KAZN: variants seen among roughly 807,000 people sequenced by gnomAD.
KAZN encodes kazrin.
In KAZN, 40 loss-of-function variants were observed where a neutral mutation model predicts 87.4. The observed-to-expected ratio is 0.46, with a 90% CI of 0.36 to 0.60. The LOEUF is 0.60. Among genes scored for constraint, KAZN ranks in the 20% least tolerant of loss-of-function variants. The probability of loss-of-function intolerance (pLI) is 0.00; values close to 1 mark genes in which losing one functional copy is unlikely to be tolerated. For synonymous variants in KAZN, 466 were observed against 458.3 expected (o/e 1.02, Z -0.22); for missense variants, 898 against 1,073.9 (o/e 0.84, Z 2.29).
chr1:14,084,591 G>T (rs1380859766), intron 1 of KAZN, among the ~76,000 whole-genome samples: 1 of 152,040 alleles, frequency 6.6e-6, no homozygotes, highest in Non-Finnish European at 1.5e-5. Context: ...TCAAGGTGAT[G>T]CAGTTTGCTC....
chr1:14,212,649 A>T lies in KAZN; in HGVS notation c.249+32057A>T, dbSNP rs141289216. On this transcript the variant is annotated intron_variant, in intron 2 of 16. Coordinates refer to the KAZN transcript ENST00000636203. ...AGCAGGGAAATGAGAGGAGGTAGGTATATCCAGAAGAATTCCTTTATATCC... is the reference window on the plus strand; with the variant it reads ...AGCAGGGAAATGAGAGGAGGTAGGTTTATCCAGAAGAATTCCTTTATATCC... 9.0e-3 allele frequency among the ~76,000 whole-genome samples: 1,366 copies of T among 152,282 alleles called. 7 individuals are homozygous for T. Among genetic ancestry groups the T allele is most frequent in the Non-Finnish European group, 0.013 (904 of 68,014 alleles).
chr1:14,779,477 C>T (rs1274481252), intron 1 of KAZN, among the ~76,000 whole-genome samples: 1 of 152,210 alleles, frequency 6.6e-6, no homozygotes, highest in Non-Finnish European at 1.5e-5. Context: ...TGACAAACAG[C>T]TTGCCCCTTG....
chr1:14,552,887 G>T (rs1196131061), intron 2 of KAZN, among the ~76,000 whole-genome samples: 3 of 152,182 alleles, frequency 2.0e-5, no homozygotes, highest in African/African-American at 7.2e-5. Context: ...AGTGACTCCA[G>T]CTTGTGTGAG....
chr1:14,745,602 C>T (rs935552784), intron 1 of KAZN, among the ~76,000 whole-genome samples: 2 of 152,060 alleles, frequency 1.3e-5, no homozygotes, highest in Admixed American at 6.6e-5. Flanking sequence ...CACTGCTTCT[C>T]GGGGCTATAC....
At chr1:14,148,705 T>C (rs188156003) in intron 1 of KAZN, among the ~76,000 whole-genome samples, 1 of 152,336 alleles carries the variant, frequency 6.6e-6, no homozygotes, top group East Asian at 1.9e-4. Context: ...AATGAGTTGA[T>C]GCGAAAGCAG....
In KAZN at chr1:15,060,157, G is replaced by T; in HGVS notation, c.917-15G>T. On this transcript the variant is annotated splice_polypyrimidine_tract_variant and intron_variant, in intron 5 of 14. Transcript: ENST00000376030. The stretch of plus-strand genomic sequence containing the variant: ...TCTCTCCATCCCTCACTCACCAGCT[G>T]TCCCTGCTTTCCAGCGGTCAGGGTG... 2 of 1,614,048 alleles carry T rather than the reference G, an allele frequency of 1.2e-6. No homozygotes were observed. Among genetic ancestry groups the T allele is most frequent in the Non-Finnish European group, 1.7e-6 (2 of 1,179,950 alleles).
chr1:15,090,773 A>G (rs568670178), intron 8 of KAZN, among the ~76,000 whole-genome samples: 107 of 151,948 alleles, frequency 7.0e-4, no homozygotes, highest in African/African-American at 2.5e-3. Context: ...CGTCACACTC[A>G]CCCCCGCTGA....
At chr1:14,651,828 T>C (rs915654718) in intron 1 of KAZN, among the ~76,000 whole-genome samples, 1 of 152,240 alleles carries the variant, frequency 6.6e-6, no homozygotes, top group African/African-American at 2.4e-5. Flanking sequence ...TGTGATTAAA[T>C]GGCCAATGTG....
chr1:14,310,574 G>C (rs1350220699), intron 2 of KAZN, among the ~76,000 whole-genome samples: 1 of 152,172 alleles, frequency 6.6e-6, no homozygotes, highest in Non-Finnish European at 1.5e-5. Flanking sequence ...CTGGTGGGCC[G>C]ACGTATGTAC....
intron 1 of KAZN, among the ~76,000 whole-genome samples, chr1:14,087,345 T>A (rs987525965): frequency 1.3e-5 from 2 of 152,200 alleles, no homozygotes; most frequent in Non-Finnish European, 2.9e-5. Flanking sequence ...ACTTATTAGT[T>A]ATAACTGTTT....
rs149270077 is a variant in KAZN, at chr1:14,261,161, G to A, written c.249+80569G>A. Among the ~76,000 whole-genome samples, 1,038 of 152,304 alleles carry A rather than the reference G, an allele frequency of 6.8e-3. 5 individuals are homozygous for A. Among genetic ancestry groups the A allele is most frequent in the Middle Eastern group, 0.014 (4 of 294 alleles). On this transcript the variant is annotated intron_variant, in intron 2 of 16. Coordinates refer to the KAZN transcript ENST00000636203. ...AGTAGGGTGGGGAATTGGACTTCTT[G>A]GGTTCAAATCCTGGCTCAGCCCCTT... is the stretch of plus-strand genomic sequence containing the variant.
chr1:14,923,426 G>A lies in KAZN; in HGVS notation c.227-37258G>A, dbSNP rs1658777431. Among the ~76,000 whole-genome samples the A allele has an allele frequency of 6.6e-6, 1 of 152,176 alleles. No individual in the cohort carries two copies. The highest frequency in any genetic ancestry group is 1.5e-5 in the Non-Finnish European group (1 of 68,038). ...CCTCCAAGGTGCCACTTCCTACAGG[G>A]TTTGCCTGGCCTTGTCACTGTTCCC... On this transcript the variant is annotated intron_variant, in intron 1 of 14. Transcript: ENST00000376030. The surrounding 1 kb of genome is among the most constrained non-coding windows in gnomAD (Gnocchi z 4.2).
At chr1:14,365,648 G>A (rs576920710) in intron 2 of KAZN, among the ~76,000 whole-genome samples, 19 of 152,108 alleles carry the variant, frequency 1.2e-4, no homozygotes, top group Admixed American at 3.9e-4. Context: ...GTTTAGCAGC[G>A]TCCCCAGCCT....
chr1:14,321,037 A>G (rs1300211217), intron 2 of KAZN, among the ~76,000 whole-genome samples: 1 of 152,196 alleles, frequency 6.6e-6, no homozygotes, highest in East Asian at 1.9e-4. Context: ...TAAAAATCAT[A>G]TTCTCTGGAA....
At chr1:14,372,143 A>G (rs1660540326) in intron 2 of KAZN, among the ~76,000 whole-genome samples, 1 of 152,246 alleles carries the variant, frequency 6.6e-6, no homozygotes, top group Admixed American at 6.5e-5. Context: ...GGAAAAGCAA[A>G]TGACGAGTTT....
chr1:13,974,886 C>G (rs969520425), intron 1 of KAZN, among the ~76,000 whole-genome samples: 1 of 152,110 alleles, frequency 6.6e-6, no homozygotes, highest in Non-Finnish European at 1.5e-5. Flanking sequence ...AGGTCTCACA[C>G]AGACCTTCAA....
At chr1:15,028,171 G>A (rs1671356273) in intron 2 of KAZN, among the ~76,000 whole-genome samples, 1 of 152,168 alleles carries the variant, frequency 6.6e-6, no homozygotes, top group South Asian at 2.1e-4. Context: ...CCTCTGAGTT[G>A]GAAAAATAAG....
At chr1:15,068,229 C>A in intron 8 of KAZN, 2 of 299,432 alleles carry the variant, frequency 6.7e-6, no homozygotes, top group Non-Finnish European at 9.8e-6. Flanking sequence ...CACAGGCTGG[C>A]ATGACCTGCT....
chr1:15,088,691 A>G (rs1640384398), intron 8 of KAZN, among the ~76,000 whole-genome samples: 1 of 151,700 alleles, frequency 6.6e-6, no homozygotes, highest in Admixed American at 6.6e-5. Context: ...CCTTTAATTA[A>G]TGGTTTATGA....
Sources: allele counts gnomAD v4.1 joint callset (sites outside exome capture counted in the v4.1 genomes callset), GRCh38; gene constraint gnomAD v4.1.1; non-coding constraint Gnocchi (gnomAD v3.1); transcripts MANE v1.5; gene names NCBI Gene and HGNC (gene_info 2026-07-23, HGNC 2026-07-21).